HIVEP1: variants seen among roughly 807,000 people sequenced by gnomAD.
The protein encoded by HIVEP1 is HIVEP zinc finger 1, also known as zinc finger protein 40.
HIVEP1 carries 36 observed loss-of-function variants against 180.0 expected under a neutral mutation model. That is an observed-to-expected ratio of 0.20 (90% confidence interval 0.15 to 0.26). The LOEUF (loss-of-function observed/expected upper bound fraction) is 0.26. Ranked by LOEUF, HIVEP1 falls within the 10% of genes least tolerant of loss-of-function variation. The probability of loss-of-function intolerance (pLI) is 1.00; values close to 1 mark genes in which losing one functional copy is unlikely to be tolerated. For synonymous variants in HIVEP1, 1,239 were observed against 1,239.0 expected (o/e 1.00, Z 0.00); for missense variants, 3,143 against 3,268.7 (o/e 0.96, Z 0.94).
chr6:12,068,671 A>G (rs1301758018), intron 2 of HIVEP1, among the ~76,000 whole-genome samples: 1 of 152,162 alleles, frequency 6.6e-6, no homozygotes, highest in South Asian at 2.1e-4. Context: ...ACATATATGT[A>G]ATATGTGTAT....
At chr6:12,112,182 C>T (rs1433775675) in intron 3 of HIVEP1, among the ~76,000 whole-genome samples, 1 of 152,040 alleles carries the variant, frequency 6.6e-6, no homozygotes, top group Admixed American at 6.5e-5. Flanking sequence ...ATATGAAATT[C>T]TGGGTTGGAC....
intron 3 of HIVEP1, among the ~76,000 whole-genome samples, chr6:12,090,735 CTTTTTTTTTTTTTTT>C (rs35266647): frequency 9.7e-5 from 8 of 82,442 alleles, no homozygotes; most frequent in South Asian, 5.1e-4. Flanking sequence ...TATAGCCAGC[CTTTTTTTTTTTTTTT>C]TTTTTTTTTA....
At chr6:12,182,702 T>C in the HIVEP1 span, among the ~76,000 whole-genome samples, 1 of 152,208 alleles carries the variant, frequency 6.6e-6, no homozygotes, top group Non-Finnish European at 1.5e-5. Context: ...GATCTTCCAT[T>C]CTTTCCTTCT....
At chr6:12,159,207 T>C (rs533366057) in intron 7 of HIVEP1, among the ~76,000 whole-genome samples, 1,553 of 151,890 alleles carry the variant, frequency 0.01, 28 homozygotes, top group Non-Finnish European at 0.014. Flanking sequence ...TGTGTGTGTG[T>C]GCGCGCGCGC....
At chr6:12,211,982 C>T in the HIVEP1 span, among the ~76,000 whole-genome samples, 1 of 152,060 alleles carries the variant, frequency 6.6e-6, no homozygotes, top group Non-Finnish European at 1.5e-5. Context: ...GTTGGGAGAA[C>T]AATAAGAGTG....
chr6:12,047,944 C>T (rs549480617), intron 2 of HIVEP1, among the ~76,000 whole-genome samples: 3 of 152,310 alleles, frequency 2.0e-5, no homozygotes, highest in African/African-American at 7.2e-5. Flanking sequence ...CTTTTCACAT[C>T]TGAGTACTGA....
rs1383323696 is a variant in HIVEP1, at chr6:12,123,012, C to T, written c.3217C>T (p.His1073Tyr). 6.2e-7 allele frequency: 1 copy of T among 1,614,178 alleles called. No homozygotes were observed. The highest frequency in any genetic ancestry group is 8.5e-7 in the Non-Finnish European group (1 of 1,180,014). ...GGGCTGTAATCCCAGTTTGCCTAAA[C>T]ATAATGTTACCATAAGAAGTGACCA... ...ALGCNPSLPK[H>Y]NVTIRSDQQH... The change falls in exon 4 of 9, where the codon CAT (histidine) becomes TAT (tyrosine). Residue 1073 changes from histidine (H) to tyrosine (Y), a missense_variant. Physicochemically the swap from His to Tyr is moderately conservative, Grantham distance 83. Around this residue, in one of 12 missense-constraint regions of HIVEP1, gnomAD observed 1,357 missense variants for 1,260.5 expected, o/e 1.08. Transcript: ENST00000379388.
intron 2 of HIVEP1, among the ~76,000 whole-genome samples, chr6:12,069,799 C>T (rs184958769): frequency 4.2e-4 from 64 of 151,814 alleles, no homozygotes; most frequent in African/African-American, 1.5e-3. Context: ...ACTTTATAAC[C>T]TTTTAATTTT....
the HIVEP1 span, among the ~76,000 whole-genome samples, chr6:12,206,236 C>A: frequency 6.6e-6 from 1 of 152,128 alleles, no homozygotes; most frequent in Non-Finnish European, 1.5e-5. Flanking sequence ...TGATTTCAAC[C>A]AATTCTCCTG....
In HIVEP1 at chr6:12,163,743, T is replaced by G; in HGVS notation, c.7439T>G (p.Leu2480Arg). The change falls in exon 9 of 9, where the codon CTA (leucine) becomes CGA (arginine). Residue 2480 changes from leucine to arginine, a missense_variant. Transcript: ENST00000379388. ...ATCCGCGTGCCAGGCCTTCAGAACC[T>G]AAGTACCCCAGGCTTGCAGTCACTC... ...GQIRVPGLQN[L>R]STPGLQSLPS... The G allele has an allele frequency of 6.2e-7, 1 of 1,614,034 alleles. No individual in the cohort carries two copies. Among genetic ancestry groups the G allele is most frequent in the Non-Finnish European group, 8.5e-7 (1 of 1,180,016 alleles).
At chr6:12,139,617 C>T (rs146825516) in intron 7 of HIVEP1, among the ~76,000 whole-genome samples, 10 of 152,334 alleles carry the variant, frequency 6.6e-5, no homozygotes, top group African/African-American at 2.4e-4. Context: ...CCTGGAAAAA[C>T]GGGACACTCC....
At chr6:12,183,423 T>C in the HIVEP1 span, among the ~76,000 whole-genome samples, 3 of 152,230 alleles carry the variant, frequency 2.0e-5, no homozygotes, top group Admixed American at 6.6e-5. Context: ...TTATTAAATA[T>C]TGTGTGCAAA....
chr6:12,129,362 C>G (rs905885118), intron 4 of HIVEP1, among the ~76,000 whole-genome samples: 3 of 152,142 alleles, frequency 2.0e-5, no homozygotes, highest in African/African-American at 7.2e-5. Context: ...GAGTAGCTAG[C>G]TCTTTTCCAT....
chr6:12,160,719 AT>A (rs1451498752), intron 7 of HIVEP1, among the ~76,000 whole-genome samples: 1 of 152,242 alleles, frequency 6.6e-6, no homozygotes, highest in Non-Finnish European at 1.5e-5. Flanking sequence ...AGTAACAGTG[AT>A]TAGTGACTGC....
intron 3 of HIVEP1, among the ~76,000 whole-genome samples, chr6:12,099,401 C>T (rs1004952945): frequency 1.1e-3 from 173 of 152,074 alleles, no homozygotes; most frequent in Non-Finnish European, 2.3e-3. Context: ...CTCCTGACCT[C>T]GTGATCCGCC....
chr6:12,098,251 T>C (rs1773887983), intron 3 of HIVEP1, among the ~76,000 whole-genome samples: 1 of 152,220 alleles, frequency 6.6e-6, no homozygotes, highest in Admixed American at 6.5e-5. Context: ...GTACATTTTT[T>C]GACAAGAAAG....
At chr6:12,152,775 A>T (rs915084217) in intron 7 of HIVEP1, among the ~76,000 whole-genome samples, 2 of 152,002 alleles carry the variant, frequency 1.3e-5, no homozygotes, top group African/African-American at 4.8e-5. Flanking sequence ...TCTCCAAGCT[A>T]CAGGCATGTG....
At chr6:12,022,332 A>G (rs1283188358) in intron 2 of HIVEP1, among the ~76,000 whole-genome samples, 1 of 151,828 alleles carries the variant, frequency 6.6e-6, no homozygotes, top group Non-Finnish European at 1.5e-5. Flanking sequence ...CACCGCACCC[A>G]GCTAATTTTT....
intron 2 of HIVEP1, among the ~76,000 whole-genome samples, chr6:12,049,616 T>C (rs1770370836): frequency 1.3e-5 from 2 of 152,230 alleles, no homozygotes; most frequent in Admixed American, 6.5e-5. Flanking sequence ...TCAAAGAAGG[T>C]ATTTTTCTGT....
Sources: allele counts gnomAD v4.1 joint callset (sites outside exome capture counted in the v4.1 genomes callset), GRCh38; gene constraint gnomAD v4.1.1; regional missense constraint gnomAD v4.1.1; transcripts MANE v1.5; gene names NCBI Gene and HGNC (gene_info 2026-07-23, HGNC 2026-07-21).